The following MBNL2 variants were observed in gnomAD, a reference collection of about 807,000 sequenced individuals.
MBNL2 encodes muscleblind like splicing regulator 2.
Under a neutral mutation model 41.9 loss-of-function variants are expected in MBNL2, and 17 were observed. The ratio of observed to expected loss-of-function variants is 0.41; its 90% CI spans 0.28 to 0.61. The LOEUF (loss-of-function observed/expected upper bound fraction) is 0.61. Among genes scored for constraint, MBNL2 ranks in the 20% least tolerant of loss-of-function variants. The pLI, the probability that MBNL2 is intolerant of heterozygous loss-of-function variation, is 0.35. For missense variants in MBNL2, 336 were observed against 505.6 expected (o/e 0.66, Z 3.22); for synonymous variants, 195 against 182.9 (o/e 1.07, Z -0.53).
chr13:97,393,471 A>G lies in MBNL2; in HGVS notation c.*2022A>G, dbSNP rs1001565129. On this transcript the variant is annotated 3_prime_UTR_variant, in exon 9 of 9. Coordinates refer to ENST00000679496, the MANE Select transcript of MBNL2 (RefSeq NM_001382683.1). ...ATTTTCAGCCCTTTAATAATGGAGC[A>G]TCAAAAACATCACCTGTAACCCCAA... The G allele has an allele frequency of 6.6e-6, 1 of 152,384 alleles. No individual in the cohort carries two copies. The highest frequency in any genetic ancestry group is 2.4e-5 in the African/African-American group (1 of 41,432). 9.4% of individuals were successfully genotyped at this position (152,384 alleles called of 1,614,324 possible).
In MBNL2 at chr13:97,366,740, A is replaced by G. The variant is rs1180394440; in HGVS notation, c.1048+1569A>G. On this transcript the variant is annotated intron_variant, in intron 8 of 8. Transcript: ENST00000679496. The surrounding 1 kb of genome is among the most constrained non-coding windows in gnomAD (Gnocchi z 4.7). Reference sequence around the variant, plus strand: ...TTTAGAGTTAACATTTACTGCAAATAATGATGTAGCTATGTTTTGTGTTGC... The same window carrying G: ...TTTAGAGTTAACATTTACTGCAAATGATGATGTAGCTATGTTTTGTGTTGC... 8 of 664,268 alleles carry G rather than the reference A, an allele frequency of 1.2e-5. No homozygotes were observed. The highest frequency in any genetic ancestry group is 4.8e-5 in the Admixed American group (2 of 41,738). 41.1% of individuals were successfully genotyped at this position (664,268 alleles called of 1,614,324 possible).
chr13:97,365,518 GA>G (rs2063777351), intron 8 of MBNL2, among the ~76,000 whole-genome samples: 1 of 152,188 alleles, frequency 6.6e-6, no homozygotes, highest in Admixed American at 6.5e-5. Context: ...ATCAATGTTT[GA>G]AAGTTTCATA....
chr13:97,225,649 A>G (rs1380834068), intron 1 of MBNL2, among the ~76,000 whole-genome samples: 1 of 152,172 alleles, frequency 6.6e-6, no homozygotes, highest in African/African-American at 2.4e-5. Flanking sequence ...ATAAAAATCA[A>G]CAAGCAAGAA....
the MBNL2 span, among the ~76,000 whole-genome samples, chr13:97,191,474 G>A: frequency 2.0e-5 from 3 of 151,702 alleles, no homozygotes; most frequent in African/African-American, 4.8e-5. Context: ...GCTGTGGGAC[G>A]GACAAGGACC....
chr13:97,166,036 G>A, the MBNL2 span, among the ~76,000 whole-genome samples: 2 of 152,178 alleles, frequency 1.3e-5, no homozygotes, highest in Non-Finnish European at 2.9e-5. Flanking sequence ...TCTGGGTGGA[G>A]CATGGTTGCT....
intron 2 of MBNL2, among the ~76,000 whole-genome samples, chr13:97,303,661 G>A (rs557416176): frequency 6.6e-6 from 1 of 152,220 alleles, no homozygotes; most frequent in African/African-American, 2.4e-5. Flanking sequence ...TCCTGCTCCG[G>A]TGGCAGAATG....
At chr13:97,390,313 T>TA (rs139681800) in intron 8 of MBNL2, among the ~76,000 whole-genome samples, 8,072 of 152,264 alleles carry the variant, frequency 0.053, 391 homozygotes, top group African/African-American at 0.13. Context: ...GGAGAAATTA[T>TA]ACATAACAGG....
intron 2 of MBNL2, among the ~76,000 whole-genome samples, chr13:97,326,704 T>C (rs1377046290): frequency 6.6e-6 from 1 of 152,220 alleles, no homozygotes; most frequent in Admixed American, 6.5e-5. Context: ...GAACTAATAA[T>C]ACAAGGAGCT....
the MBNL2 span, among the ~76,000 whole-genome samples, chr13:97,193,196 G>C: frequency 6.6e-6 from 1 of 152,196 alleles, no homozygotes; most frequent in East Asian, 1.9e-4. Flanking sequence ...AGGTGAGAAA[G>C]GAACAGCAGT....
intron 1 of MBNL2, among the ~76,000 whole-genome samples, chr13:97,248,365 G>T (rs879402738): frequency 6.6e-6 from 1 of 152,186 alleles, no homozygotes; most frequent in South Asian, 2.1e-4. Flanking sequence ...TTGAACTCTC[G>T]ACCTCAGGTA....
intron 2 of MBNL2, among the ~76,000 whole-genome samples, chr13:97,290,242 T>C (rs2152970914): frequency 6.6e-6 from 1 of 152,322 alleles, no homozygotes; most frequent in East Asian, 1.9e-4. Context: ...AAAGTGTGAT[T>C]TATTTATGAA....
rs1004577618 is a variant in MBNL2, at chr13:97,346,111, A to T, written c.541-693A>T. On this transcript the variant is annotated intron_variant, in intron 4 of 8. Coordinates refer to ENST00000679496, the MANE Select transcript of MBNL2 (RefSeq NM_001382683.1). The surrounding 1 kb of genome is among the most constrained non-coding windows in gnomAD (Gnocchi z 4.2). ...GGCTGGATGGATAGATGATAGATGG[A>T]TGAATGAATGGCTGGCTGGATGGAC... Among the ~76,000 whole-genome samples, 1 of 152,102 alleles carries T rather than the reference A, an allele frequency of 6.6e-6. No individual in the cohort carries two copies. The highest frequency in any genetic ancestry group is 1.5e-5 in the Non-Finnish European group (1 of 68,030).
intron 2 of MBNL2, among the ~76,000 whole-genome samples, chr13:97,283,241 C>T (rs1284055439): frequency 3.1e-5 from 3 of 97,352 alleles, no homozygotes; most frequent in African/African-American, 8.9e-5. Context: ...CAGTCATCAG[C>T]TCTGAAAGCT....
At chr13:97,270,930 G>A (rs972843589) in intron 1 of MBNL2, among the ~76,000 whole-genome samples, 3 of 152,104 alleles carry the variant, frequency 2.0e-5, no homozygotes, top group Non-Finnish European at 2.9e-5. Flanking sequence ...TATGCTAACA[G>A]TAGCCGTATA....
intron 2 of MBNL2, among the ~76,000 whole-genome samples, chr13:97,315,356 G>C (rs2058947509): frequency 1.3e-5 from 2 of 152,190 alleles, no homozygotes; most frequent in Admixed American, 1.3e-4. Flanking sequence ...AGCAAGCACT[G>C]AGCACTTGCT....
the MBNL2 span, among the ~76,000 whole-genome samples, chr13:97,196,619 T>C: frequency 6.6e-6 from 1 of 152,094 alleles, no homozygotes; most frequent in Admixed American, 6.5e-5. Context: ...ATGGAGGTCA[T>C]AGTGGCTTCT....
At chr13:97,204,416 T>C in the MBNL2 span, among the ~76,000 whole-genome samples, 2 of 152,210 alleles carry the variant, frequency 1.3e-5, no homozygotes, top group African/African-American at 4.8e-5. Context: ...TAAAATACTT[T>C]ATAACACACA....
At chr13:97,287,916 CTGTTTTTTTTT>C (rs1291605084) in intron 2 of MBNL2, among the ~76,000 whole-genome samples, 149 of 70,428 alleles carry the variant, frequency 2.1e-3, no homozygotes, top group African/African-American at 6.1e-3. Context: ...GGCTAATTTT[CTGTTTTTTTTT>C]TGTTTTGTTT....
intron 2 of MBNL2, among the ~76,000 whole-genome samples, chr13:97,287,934 G>GTTTTTTTTTTTTT (rs1397865029): frequency 1.4e-5 from 1 of 73,636 alleles, no homozygotes; most frequent in African/African-American, 4.8e-5. Flanking sequence ...TTTTTGTTTT[G>GTTTTTTTTTTTTT]TTTTGTTTTT....
Sources: allele counts gnomAD v4.1 joint callset (sites outside exome capture counted in the v4.1 genomes callset), GRCh38; gene constraint gnomAD v4.1.1; non-coding constraint Gnocchi (gnomAD v3.1); transcripts MANE v1.5; gene names NCBI Gene and HGNC (gene_info 2026-07-23, HGNC 2026-07-21).